The following CAMK2D variants were observed in gnomAD, a reference collection of about 807,000 sequenced individuals.
The protein encoded by CAMK2D is calcium/calmodulin-dependent protein kinase type II subunit delta.
Under a neutral mutation model 84.0 loss-of-function variants are expected in CAMK2D, and 37 were observed. The observed-to-expected ratio is 0.44, with a 90% confidence interval of 0.34 to 0.58. CAMK2D has a LOEUF of 0.58. Among genes scored for constraint, CAMK2D ranks in the 20% least tolerant of loss-of-function variants. The pLI is 0.02. For synonymous variants in CAMK2D, 202 were observed against 212.5 expected, an observed-to-expected ratio of 0.95 and a Z score of 0.43; for missense variants, 448 against 652.5, an observed-to-expected ratio of 0.69 and a Z score of 3.41.
At chr4:113,485,971 G>C (rs1355864759) in intron 16 of CAMK2D, among the ~76,000 whole-genome samples, 1 of 152,086 alleles carries the variant, frequency 6.6e-6, no homozygotes, top group African/African-American at 2.4e-5. Flanking sequence ...CCCCTTTAAA[G>C]CTAAGTTCAG....
chr4:113,477,690 G>A (rs1310525093), intron 16 of CAMK2D, among the ~76,000 whole-genome samples: 1 of 148,374 alleles, frequency 6.7e-6, no homozygotes, highest in Non-Finnish European at 1.5e-5. Flanking sequence ...AGGTTGAAGT[G>A]AGCCGAGATT....
At chr4:113,500,570 T>A in intron 15 of CAMK2D, 59 bp from the exon 16 acceptor site, 1 of 1,164,260 alleles carries the variant, frequency 8.6e-7, no homozygotes, top group Non-Finnish European at 1.3e-6. Context: ...ATTTCCTCCT[T>A]AAAAATTGGC....
At chr4:113,692,983 T>C (rs1384302055) in intron 2 of CAMK2D, among the ~76,000 whole-genome samples, 1 of 152,190 alleles carries the variant, frequency 6.6e-6, no homozygotes, top group African/African-American at 2.4e-5. Context: ...GTTCTTACTT[T>C]TACTTCCGTA....
intron 2 of CAMK2D, among the ~76,000 whole-genome samples, chr4:113,752,890 A>G (rs544361491): frequency 1.2e-4 from 19 of 152,260 alleles, no homozygotes; most frequent in South Asian, 2.1e-4. Flanking sequence ...TATTTTCCCA[A>G]AGAAATACTC....
chr4:113,679,733 A>G (rs2099334505), intron 2 of CAMK2D, among the ~76,000 whole-genome samples: 1 of 152,238 alleles, frequency 6.6e-6, no homozygotes, highest in African/African-American at 2.4e-5. Flanking sequence ...ATTTGGAAAT[A>G]CGCAGCATAC....
chr4:113,694,154 C>T (rs779629065), intron 2 of CAMK2D, among the ~76,000 whole-genome samples: 21 of 152,122 alleles, frequency 1.4e-4, no homozygotes, highest in Non-Finnish European at 2.5e-4. Context: ...CCAATTTGCT[C>T]AGAGAATGGA....
intron 2 of CAMK2D, among the ~76,000 whole-genome samples, chr4:113,721,307 T>C (rs192463528): frequency 1.3e-5 from 2 of 152,136 alleles, no homozygotes; most frequent in South Asian, 2.1e-4. Context: ...AAATAGCAAA[T>C]AAAGCTTTTC....
In CAMK2D at chr4:113,462,292, GTGTCTGTCTGTC is replaced by G. The variant is rs764313367; in HGVS notation, c.1212-2063_1212-2052del. On this transcript the variant is annotated intron_variant, in intron 17 of 20. Coordinates refer to ENST00000511664, the MANE Select transcript of CAMK2D (RefSeq NM_001321571.2). Reference sequence around the variant, plus strand: ...TGTGTGTGTGTGTGTGTGTGTGTGTGTGTCTGTCTGTCTGTCTGTCTGTCTGTCTGTCTGTCT... The same window carrying G: ...TGTGTGTGTGTGTGTGTGTGTGTGTGTGTCTGTCTGTCTGTCTGTCTGTCT... Among the ~76,000 whole-genome samples, 137 of 111,338 alleles carry G rather than the reference GTGTCTGTCTGTC, an allele frequency of 1.2e-3. 1 individual carries two copies. The highest frequency in any genetic ancestry group is 9.7e-3 in the Middle Eastern group (2 of 206). 73.0% of individuals were successfully genotyped at this position (111,338 alleles called of 152,430 possible).
Position 113,745,336 on chromosome 4 carries a change from T to C in CAMK2D, c.160+13984A>G, listed in dbSNP as rs1190096280. Among the ~76,000 whole-genome samples the C allele has an allele frequency of 2.6e-5, 4 of 152,216 alleles. No homozygotes were observed. The East Asian group carries it at 7.7e-4, about 29-fold the overall frequency. On this transcript the variant is annotated intron_variant, in intron 2 of 20. Coordinates refer to ENST00000511664, the MANE Select transcript of CAMK2D (RefSeq NM_001321571.2). The stretch of plus-strand genomic sequence containing the variant: ...TCCTTCTATGCACTGCCACTTCTGC[T>C]TCCTCAATGTTACCTTTCTTGCTTC...
At chr4:113,531,998 C>T (rs2098461709) in intron 7 of CAMK2D, among the ~76,000 whole-genome samples, 1 of 151,828 alleles carries the variant, frequency 6.6e-6, no homozygotes, top group South Asian at 2.1e-4. Context: ...AATAACTATC[C>T]TCATTTGGAA....
chr4:113,701,684 C>T (rs1452924079), intron 2 of CAMK2D, among the ~76,000 whole-genome samples: 1 of 152,020 alleles, frequency 6.6e-6, no homozygotes, highest in Non-Finnish European at 1.5e-5. Context: ...GCAGCTGAGA[C>T]CGTACGTAGG....
chr4:113,515,265 G>A, intron 9 of CAMK2D, 74 bp from the exon 10 acceptor site: 4 of 938,312 alleles, frequency 4.3e-6, no homozygotes, highest in Non-Finnish European at 6.4e-6. Flanking sequence ...TCAACTACAT[G>A]AATCATTCCC....
chr4:113,759,370 C>G lies in CAMK2D; in HGVS notation c.110G>C (p.Gly37Ala). 1 of 1,607,416 alleles carries G rather than the reference C, an allele frequency of 6.2e-7. No individual in the cohort carries two copies. The change falls in exon 2 of 21, where the codon GGA (glycine) becomes GCA (alanine). Residue 37 changes from glycine to alanine, a missense_variant. Around this residue, in one of 7 missense-constraint regions of CAMK2D, gnomAD observed 44 missense variants for 45.6 expected, o/e 0.96. Transcript: ENST00000511664. ...VVRRCMKIPT[G>A]QEYAAKIINT... ...GATAATTTTGGCAGCATATTCTTGT[C>G]CAGTAGGAATTTTCATACATCTTCT...
Position 113,467,630 on chromosome 4 carries a change from A to G in CAMK2D, c.1136-2026T>C, listed in dbSNP as rs147556888. Among the ~76,000 whole-genome samples, 5 of 152,310 alleles carry G rather than the reference A, an allele frequency of 3.3e-5. No homozygotes were observed. In the East Asian group the frequency reaches 9.6e-4, roughly 29 times the overall value. On this transcript the variant is annotated intron_variant, in intron 16 of 20. Transcript: ENST00000511664. ...AACACAGCTCCTACAGAAGTCCAAA[A>G]CATTTCTTGCCCTTGCTCATTTGAT...
intron 3 of CAMK2D, among the ~76,000 whole-genome samples, chr4:113,626,429 A>G (rs990032753): frequency 2.0e-5 from 3 of 152,232 alleles, no homozygotes; most frequent in Non-Finnish European, 2.9e-5. Context: ...TATTGTTATT[A>G]TTAAATTACA....
intron 5 of CAMK2D, among the ~76,000 whole-genome samples, chr4:113,550,790 A>C (rs2098621877): frequency 6.6e-6 from 1 of 152,212 alleles, no homozygotes; most frequent in Non-Finnish European, 1.5e-5. Context: ...TGAGCAAGTG[A>C]TGATTCACTC....
At chr4:113,754,758 G>T in intron 2 of CAMK2D, 12 of 980,126 alleles carry the variant, frequency 1.2e-5, no homozygotes, top group Non-Finnish European at 1.5e-5. Flanking sequence ...AGAAGAAAAT[G>T]AATGTTTAAT....
At chr4:113,692,402 T>C (rs2154341909) in intron 2 of CAMK2D, among the ~76,000 whole-genome samples, 1 of 152,320 alleles carries the variant, frequency 6.6e-6, no homozygotes, top group African/African-American at 2.4e-5. Context: ...GTAATTCCTG[T>C]TGCCCTAAAT....
At chr4:113,699,191 G>A (rs1232725430) in intron 2 of CAMK2D, among the ~76,000 whole-genome samples, 1 of 151,988 alleles carries the variant, frequency 6.6e-6, no homozygotes, top group Non-Finnish European at 1.5e-5. Context: ...GAAAATATCT[G>A]GGGATGGTAT....
Sources: gnomAD v4.1 joint callset for allele counts (sites outside exome capture counted in the v4.1 genomes callset) on GRCh38, gnomAD v4.1.1 for gene constraint, gnomAD v4.1.1 regional missense constraint, MANE v1.5 for transcripts, NCBI Gene and HGNC (gene_info 2026-07-23, HGNC 2026-07-21) for gene names.